SV2C: variants seen among roughly 807,000 people sequenced by gnomAD.
SV2C encodes solute carrier family 22 member B3.
A neutral mutation model predicts 79.7 loss-of-function variants in SV2C; 49 were observed. The observed-to-expected ratio is 0.61, with a 90% CI of 0.49 to 0.78. SV2C has a LOEUF of 0.78. SV2C is among the 30% of genes least tolerant of loss of function. The probability of loss-of-function intolerance (pLI) is 0.00; values close to 1 mark genes in which losing one functional copy is unlikely to be tolerated. For synonymous variants in SV2C, 334 were observed against 333.2 expected (o/e 1.00, Z -0.03); for missense variants, 833 against 912.9 (o/e 0.91, Z 1.13).
intron 9 of SV2C, among the ~76,000 whole-genome samples, chr5:76,297,559 A>G (rs1747817626): frequency 6.6e-6 from 1 of 152,192 alleles, no homozygotes; most frequent in Non-Finnish European, 1.5e-5. Flanking sequence ...AAAAATTGAT[A>G]ACTTTTTAAA....
intron 2 of SV2C, among the ~76,000 whole-genome samples, chr5:76,193,677 G>A (rs1744176714): frequency 6.6e-6 from 1 of 152,172 alleles, no homozygotes; most frequent in Non-Finnish European, 1.5e-5. Flanking sequence ...CAGTGGAGAG[G>A]CCAGGGCAGT....
intron 2 of SV2C, among the ~76,000 whole-genome samples, chr5:76,162,493 G>A (rs1742925117): frequency 1.3e-5 from 2 of 152,152 alleles, no homozygotes; most frequent in African/African-American, 4.8e-5. Context: ...CAAGAGTTGG[G>A]TTACCGATTA....
At chr5:76,159,964 T>C (rs557702737) in intron 2 of SV2C, among the ~76,000 whole-genome samples, 2 of 152,114 alleles carry the variant, frequency 1.3e-5, no homozygotes, top group South Asian at 4.2e-4. Flanking sequence ...AAGGAAATAA[T>C]TCCATTTATA....
At chr5:76,232,366 A>C (rs2112401726) in intron 4 of SV2C, among the ~76,000 whole-genome samples, 1 of 150,854 alleles carries the variant, frequency 6.6e-6, no homozygotes. Flanking sequence ...AGGTTGCGAA[A>C]ATTTTCTCTC....
the SV2C span, among the ~76,000 whole-genome samples, chr5:76,046,920 G>A: frequency 1.3e-5 from 2 of 152,130 alleles, no homozygotes; most frequent in Non-Finnish European, 1.5e-5. Context: ...ATTTTTTCAG[G>A]CCTGTCTTTA....
the SV2C span, among the ~76,000 whole-genome samples, chr5:76,012,174 G>GA: frequency 6.6e-6 from 1 of 152,160 alleles, no homozygotes; most frequent in African/African-American, 2.4e-5. Flanking sequence ...GATCCTTGAG[G>GA]AATCACCCCA....
the SV2C span, chr5:75,911,311 C>G: frequency 2.2e-6 from 3 of 1,380,002 alleles, no homozygotes; most frequent in South Asian, 3.6e-5. Context: ...TTCAGGGCAG[C>G]CTTCATCATC....
At chr5:75,859,861 C>T in the SV2C span, among the ~76,000 whole-genome samples, 1 of 150,754 alleles carries the variant, frequency 6.6e-6, no homozygotes, top group African/African-American at 2.5e-5. Context: ...TATTGAATGA[C>T]TTACTAGCTC....
chr5:75,931,273 A>G, the SV2C span, among the ~76,000 whole-genome samples: 1 of 152,242 alleles, frequency 6.6e-6, no homozygotes, highest in Non-Finnish European at 1.5e-5. Flanking sequence ...GATGTGAGCC[A>G]TAGAGGGAAA....
At chr5:76,077,361 AG>A in the SV2C span, among the ~76,000 whole-genome samples, 1 of 152,238 alleles carries the variant, frequency 6.6e-6, no homozygotes, top group Admixed American at 6.5e-5. Flanking sequence ...GGGAAAAGAA[AG>A]GAAGGATGAA....
chr5:75,882,978 T>A, the SV2C span, among the ~76,000 whole-genome samples: 1 of 149,000 alleles, frequency 6.7e-6, no homozygotes, highest in African/African-American at 2.5e-5. Context: ...TACAATGAAC[T>A]CAAACAAATT....
chr5:75,908,231 G>A, the SV2C span, among the ~76,000 whole-genome samples: 8 of 152,154 alleles, frequency 5.3e-5, no homozygotes, highest in African/African-American at 1.9e-4. Context: ...TCTGCTTTCT[G>A]TCTCTAGGAT....
chr5:76,295,815 A>G lies in SV2C; in HGVS notation c.1375A>G (p.Lys459Glu), dbSNP rs1747734788. Residue 459 changes from lysine to glutamate, a missense_variant, in exon 9 of 13, where the codon AAA becomes GAA. By Grantham distance (56) the Lys-to-Glu change is moderately conservative. Coordinates refer to ENST00000502798, the MANE Select transcript of SV2C (RefSeq NM_014979.4). ...GLSVWFPDVI[K>E]PLQSDEYALL... ...ATCCGTTTGGTTCCCTGATGTCATT[A>G]AACCTCTGCAGTCCGATGAATATGC... 6.2e-7 allele frequency: 1 copy of G among 1,612,588 alleles called. No individual in the cohort carries two copies. Among genetic ancestry groups the G allele is most frequent in the Non-Finnish European group, 8.5e-7 (1 of 1,179,586 alleles).
At chr5:76,073,483 A>G in the SV2C span, among the ~76,000 whole-genome samples, 1 of 137,588 alleles carries the variant, frequency 7.3e-6, no homozygotes, top group Non-Finnish European at 1.6e-5. Context: ...GAATAAAGAA[A>G]ATGTGGTATG....
At chr5:75,848,635 G>A in the SV2C span, among the ~76,000 whole-genome samples, 2 of 152,182 alleles carry the variant, frequency 1.3e-5, no homozygotes, top group Non-Finnish European at 2.9e-5. Context: ...AATTGAACAT[G>A]TTTGCACTGT....
chr5:75,925,012 A>T, the SV2C span, among the ~76,000 whole-genome samples: 1 of 152,224 alleles, frequency 6.6e-6, no homozygotes, highest in East Asian at 1.9e-4. Context: ...AGTTATGGTT[A>T]TTTAATATGA....
chr5:75,874,869 C>T, the SV2C span, among the ~76,000 whole-genome samples: 52 of 152,176 alleles, frequency 3.4e-4, no homozygotes, highest in African/African-American at 1.2e-3. Context: ...AAGGTCTCTG[C>T]AATGGGAATT....
intron 2 of SV2C, chr5:76,174,073 T>G: frequency 1.9e-6 from 3 of 1,577,172 alleles, no homozygotes; most frequent in Non-Finnish European, 1.7e-6. Flanking sequence ...TATAAGAATC[T>G]TCTATCGTAG....
At chr5:76,087,519 G>A (rs958706656) in intron 1 of SV2C, among the ~76,000 whole-genome samples, 3 of 152,114 alleles carry the variant, frequency 2.0e-5, no homozygotes, top group Non-Finnish European at 4.4e-5. Flanking sequence ...ATAGACCAGC[G>A]ATTCTCAAAT....
Sources: gnomAD v4.1 joint callset for allele counts (sites outside exome capture counted in the v4.1 genomes callset) on GRCh38, gnomAD v4.1.1 for gene constraint, MANE v1.5 for transcripts, NCBI Gene and HGNC (gene_info 2026-07-23, HGNC 2026-07-21) for gene names.